Variants in TNC observed in about 807,000 individuals in gnomAD.
TNC encodes the protein tenascin.
A neutral mutation model predicts 202.4 loss-of-function variants in TNC; 109 were observed. That is an observed-to-expected ratio of 0.54 (90% CI 0.46 to 0.63). The LOEUF (loss-of-function observed/expected upper bound fraction) is 0.63, where lower values mean the gene tolerates loss of function less well. TNC is among the 30% of genes least tolerant of loss of function. The pLI is 0.00. For missense variants in TNC, 2,756 were observed against 2,833.3 expected (o/e 0.97, Z 0.62); for synonymous variants, 1,007 against 1,089.7 (o/e 0.92, Z 1.50).
chr9:115,043,441 A>T (rs1830928761), intron 17 of TNC, among the ~76,000 whole-genome samples: 1 of 152,126 alleles, frequency 6.6e-6, no homozygotes, highest in African/African-American at 2.4e-5. Flanking sequence ...AAAGAGCTTC[A>T]TTGTCCAAAT....
Position 115,035,263 on chromosome 9 carries a change from G to A in TNC, c.5728C>T (p.Pro1910Ser). ...SETALLTWRPPRASVTGYLLV... is the reference protein window; with the variant it reads ...SETALLTWRPSRASVTGYLLV... ...AGGTAACCGGTGACTGATGCCCGGG[G>A]GGGTCGCCAGGTAAGGAGGGCAGTT... is the stretch of plus-strand genomic sequence containing the variant. The change falls in exon 22 of 28, where the codon CCC becomes TCC. Residue 1910 changes from proline (P) to serine (S), a missense_variant. Physicochemically the swap from Pro to Ser is moderately conservative, Grantham distance 74 (BLOSUM62 -1). Coordinates refer to ENST00000350763, the MANE Select transcript of TNC (RefSeq NM_002160.4). 2 of 1,613,464 alleles carry A rather than the reference G, an allele frequency of 1.2e-6. No homozygotes were observed. The highest frequency in any genetic ancestry group is 1.7e-6 in the Non-Finnish European group (2 of 1,179,710).
chr9:115,101,286 A>G (rs1836215198), intron 1 of TNC, among the ~76,000 whole-genome samples: 1 of 152,180 alleles, frequency 6.6e-6, no homozygotes, highest in Non-Finnish European at 1.5e-5. Flanking sequence ...ATCTCAGCTC[A>G]TTGCAACTTC....
At chr9:115,077,855 G>T in intron 7 of TNC, 88 bp downstream of exon 7, 1 of 1,380,178 alleles carries the variant, frequency 7.2e-7, no homozygotes, top group Non-Finnish European at 9.9e-7. Context: ...ACTGTAAAAT[G>T]AGCCTGGAAG....
rs546529744 is a variant in TNC, at chr9:115,084,202, C to T, written c.2131+7G>A. On this transcript the variant is annotated splice_region_variant and intron_variant, in intron 4 of 27. Coordinates refer to ENST00000350763, the MANE Select transcript of TNC (RefSeq NM_002160.4). ...TGAGGCTGCCCAAAAGAGTTCTGCT[C>T]ACTCACACGTGGCCACCCTGGCGCT... The T allele has an allele frequency of 1.9e-6, 3 of 1,612,536 alleles. No individual in the cohort carries two copies. The highest frequency in any genetic ancestry group is 1.7e-5 in the Admixed American group (1 of 59,994).
chr9:115,066,005 C>T (rs915000687), intron 10 of TNC, among the ~76,000 whole-genome samples: 3 of 151,220 alleles, frequency 2.0e-5, no homozygotes, highest in African/African-American at 4.9e-5. Flanking sequence ...CAGTTTCTAG[C>T]GTTCAAATCA....
chr9:115,114,460 C>A (rs1837309056), intron 1 of TNC, among the ~76,000 whole-genome samples: 1 of 152,200 alleles, frequency 6.6e-6, no homozygotes, highest in Admixed American at 6.5e-5. Context: ...CAGGAGTGAC[C>A]TGACTGCTAC....
Position 115,064,716 on chromosome 9 carries a change from A to C in TNC, c.3418T>G (p.Tyr1140Asp), listed in dbSNP as rs1832809847. ...ATCACCCCATAGATGGAGACTGTAT[A>C]AGGCGTAGCAGCCTTGAGGCCCGGT... ...DIPGLKAATP[Y>D]TVSIYGVIQG... The change falls in exon 11 of 28, where the codon TAT becomes GAT. Residue 1140 changes from tyrosine to aspartate, a missense_variant. Transcript: ENST00000350763. 1.2e-6 allele frequency: 2 copies of C among 1,614,218 alleles called. No individual in the cohort carries two copies. Among genetic ancestry groups the C allele is most frequent in the Middle Eastern group, 1.6e-4 (1 of 6,062 alleles).
chr9:115,117,838 A>G (rs1837581586), intron 1 of TNC, 144 bp downstream of exon 1: 1 of 149,304 alleles, frequency 6.7e-6, no homozygotes, highest in African/African-American at 2.5e-5. Context: ...GATATAACCA[A>G]TACACACTCC....
Position 115,059,910 on chromosome 9 carries a change from G to T in TNC, c.4126C>A (p.His1376Asn), listed in dbSNP as rs772363168. The T allele has an allele frequency of 6.2e-7, 1 of 1,614,002 alleles. No individual in the cohort carries two copies. Among genetic ancestry groups the T allele is most frequent in the African/African-American group, 1.3e-5 (1 of 74,910 alleles). The part of the protein sequence containing the change: ...NWTAADNAYE[H>N]FVIQVQEVNK... Reference sequence around the variant, plus strand: ...ACCTCCTGCACCTGAATGACAAAGTGCTCATAGGCATTGTCAGCTGCGGTC... The same window carrying T: ...ACCTCCTGCACCTGAATGACAAAGTTCTCATAGGCATTGTCAGCTGCGGTC... The change falls in exon 14 of 28, where the codon CAC becomes AAC. Residue 1376 changes from histidine (H) to asparagine (N), a missense_variant. Transcript: ENST00000350763.
chr9:115,032,484 A>G (rs1830024876), intron 22 of TNC, among the ~76,000 whole-genome samples: 1 of 152,188 alleles, frequency 6.6e-6, no homozygotes, highest in Admixed American at 6.5e-5. Context: ...ACACAGGGTA[A>G]GGGACTTTGA....
At chr9:115,109,578 A>G (rs1836881968) in intron 1 of TNC, among the ~76,000 whole-genome samples, 2 of 152,182 alleles carry the variant, frequency 1.3e-5, no homozygotes, top group African/African-American at 4.8e-5. Context: ...GTTGTTGACT[A>G]ATCTTTGTTA....
intron 22 of TNC, among the ~76,000 whole-genome samples, chr9:115,032,925 T>C (rs1431941714): frequency 6.6e-6 from 1 of 152,158 alleles, no homozygotes; most frequent in African/African-American, 2.4e-5. Flanking sequence ...CCTTAGTGTC[T>C]GGGATTGGAA....
chr9:115,043,744 C>CAAAT (rs386415984), intron 17 of TNC, among the ~76,000 whole-genome samples: 1 of 151,812 alleles, frequency 6.6e-6, no homozygotes, highest in Non-Finnish European at 1.5e-5. Flanking sequence ...AAAAAACAAA[C>CAAAT]AAACAAACAA....
At chr9:115,057,053 C>T in intron 15 of TNC, 100 bp downstream of exon 15, 3 of 1,418,404 alleles carry the variant, frequency 2.1e-6, no homozygotes, top group South Asian at 1.4e-5. Flanking sequence ...GAGTTAGTGC[C>T]CTGTGGCTTG....
intron 1 of TNC, among the ~76,000 whole-genome samples, chr9:115,110,492 T>C (rs1836956737): frequency 6.6e-6 from 1 of 151,590 alleles, no homozygotes; most frequent in African/African-American, 2.4e-5. Context: ...ACAGGGGTAA[T>C]GGAGGTGGGG....
rs139652669 is a variant in TNC, at chr9:115,057,469, GTTAA to G, written c.4307-48_4307-45del. On this transcript the variant is annotated intron_variant, in intron 14 of 27. Transcript: ENST00000350763. ...GGGGAGAAGAAAAAAATAAATTTGAGTTAATTATTTGGCTGTGTTTTAAGATTGA... is the reference window on the plus strand; with the variant it reads ...GGGGAGAAGAAAAAAATAAATTTGAGTTATTTGGCTGTGTTTTAAGATTGA... 168,136 of 1,532,536 alleles carry G rather than the reference GTTAA, an allele frequency of 0.11. 9,859 individuals carry two copies. Among genetic ancestry groups the G allele is most frequent in the Middle Eastern group, 0.18 (1,003 of 5,716 alleles). 94.9% of individuals were successfully genotyped at this position (1,532,536 alleles called of 1,614,324 possible).
chr9:115,113,717 T>C lies in TNC; in HGVS notation c.-137+4265A>G, dbSNP rs562852842. Among the ~76,000 whole-genome samples, 3 of 152,298 alleles carry C rather than the reference T, an allele frequency of 2.0e-5. No homozygotes were observed. The South Asian group carries it at 6.2e-4, about 32-fold the overall frequency. ...CTATGAACTTCAGGAAACTTCAAAATTCTGAGACGACGTGGCATGAAATAC... is the reference window on the plus strand; with the variant it reads ...CTATGAACTTCAGGAAACTTCAAAACTCTGAGACGACGTGGCATGAAATAC... On this transcript the variant is annotated intron_variant, in intron 1 of 27. Transcript: ENST00000350763.
intron 1 of TNC, 24 bp downstream of exon 1, chr9:115,117,958 G>A (rs1405575749): frequency 1.3e-5 from 2 of 152,166 alleles, no homozygotes; most frequent in Non-Finnish European, 2.9e-5. Flanking sequence ...AGGATCTCTA[G>A]TGATGAGGGC....
At chr9:115,053,325 T>C (rs994566367) in intron 15 of TNC, among the ~76,000 whole-genome samples, 8 of 152,218 alleles carry the variant, frequency 5.3e-5, no homozygotes, top group African/African-American at 1.7e-4. Flanking sequence ...GAGTGGTAGA[T>C]TGGAGTAACG....
Sources: allele counts gnomAD v4.1 joint callset (sites outside exome capture counted in the v4.1 genomes callset), GRCh38; gene constraint gnomAD v4.1.1; transcripts MANE v1.5; gene names NCBI Gene and HGNC (gene_info 2026-07-23, HGNC 2026-07-21).